The following OSBPL3 variants were observed in gnomAD, a reference collection of about 807,000 sequenced individuals.
OSBPL3 encodes the protein oxysterol-binding protein-related protein 3.
In OSBPL3, 65 loss-of-function variants were observed where a neutral mutation model predicts 120.1. The ratio of observed to expected loss-of-function variants is 0.54; its 90% CI spans 0.44 to 0.67. The LOEUF (loss-of-function observed/expected upper bound fraction) is 0.67, where lower values mean the gene tolerates loss of function less well. OSBPL3 is among the 30% of genes least tolerant of loss of function. The pLI is 0.00. For synonymous variants in OSBPL3, 416 were observed against 402.6 expected (o/e 1.03, Z -0.40); for missense variants, 1,004 against 1,082.1 (o/e 0.93, Z 1.01).
chr7:24,840,256 G>A (rs1797570906), intron 14 of OSBPL3, among the ~76,000 whole-genome samples: 1 of 152,004 alleles, frequency 6.6e-6, no homozygotes, highest in Admixed American at 6.6e-5. Flanking sequence ...ACACAGGTTT[G>A]AACCGCATCA....
At position 24,891,584 on chromosome 7, in the gene OSBPL3, T is replaced by C. The variant is rs1207565048; in HGVS notation, c.96+793A>G. ...GACCACTTTGGTCATAAATTCAGCT[T>C]TCTGACAGCTCATTCTCTCTCCATC... On this transcript the variant is annotated intron_variant, in intron 2 of 22. Coordinates refer to ENST00000313367, the MANE Select transcript of OSBPL3 (RefSeq NM_015550.4). The surrounding 1 kb of genome is among the most constrained non-coding windows in gnomAD (Gnocchi z 4.1). Among the ~76,000 whole-genome samples, 1 of 152,204 alleles carries C rather than the reference T, an allele frequency of 6.6e-6. No homozygotes were observed.
At chr7:24,979,417 G>A (rs1422377985) in intron 1 of OSBPL3, among the ~76,000 whole-genome samples, 1 of 152,122 alleles carries the variant, frequency 6.6e-6, no homozygotes, top group East Asian at 1.9e-4. Context: ...GAAGGCGGGC[G>A]AGCGGAGCGC....
intron 7 of OSBPL3, among the ~76,000 whole-genome samples, chr7:24,864,612 T>C (rs1173865295): frequency 6.6e-6 from 1 of 152,228 alleles, no homozygotes; most frequent in African/African-American, 2.4e-5. Context: ...TATCTTTCTC[T>C]AATAGTGGTT....
At chr7:24,929,187 G>T (rs1811475494) in intron 1 of OSBPL3, among the ~76,000 whole-genome samples, 1 of 152,192 alleles carries the variant, frequency 6.6e-6, no homozygotes, top group African/African-American at 2.4e-5. Flanking sequence ...GCTGATGGGT[G>T]TGCAGGTGTG....
chr7:24,950,678 T>C (rs886224531), intron 1 of OSBPL3, among the ~76,000 whole-genome samples: 14 of 152,256 alleles, frequency 9.2e-5, no homozygotes, highest in South Asian at 2.1e-4. Flanking sequence ...GCGGAGATCG[T>C]GCCACTGCAC....
intron 12 of OSBPL3, among the ~76,000 whole-genome samples, chr7:24,848,587 T>TC (rs1313874644): frequency 6.6e-6 from 1 of 152,116 alleles, no homozygotes; most frequent in African/African-American, 2.4e-5. Flanking sequence ...GTATTTTTTT[T>TC]CCCTCAGAGT....
chr7:24,835,017 G>A lies in OSBPL3; in HGVS notation c.1496-281C>T, dbSNP rs1796831854. Among the ~76,000 whole-genome samples, 1 of 152,124 alleles carries A rather than the reference G, an allele frequency of 6.6e-6. No individual in the cohort carries two copies. Among genetic ancestry groups the A allele is most frequent in the Non-Finnish European group, 1.5e-5 (1 of 68,030 alleles). ...CTCATACACACTTAGAATAAAACTG[G>A]AAATTGGATTTCTATGCCTATAGTT... On this transcript the variant is annotated intron_variant, in intron 14 of 22. Transcript: ENST00000313367. This position sits in a 1 kb window ranked among gnomAD's most constrained non-coding sequence, Gnocchi z 4.8.
At position 24,938,805 on chromosome 7, in the gene OSBPL3, G is replaced by C. The variant is rs866034053; in HGVS notation, c.-150+41081C>G. On this transcript the variant is annotated intron_variant, in intron 1 of 22. Transcript: ENST00000313367. The surrounding 1 kb of genome is among the most constrained non-coding windows in gnomAD (Gnocchi z 5.8). ...TGTGTGTGTGTGTGTGTGTGTGTGT[G>C]TGTGTGTGTGTGTGTGTGTGTGTGT... Among the ~76,000 whole-genome samples the C allele has an allele frequency of 3.5e-4, 53 of 150,694 alleles. No homozygotes were observed. The highest frequency in any genetic ancestry group is 4.7e-4 in the Non-Finnish European group (32 of 67,558).
At chr7:24,917,413 T>C (rs1355266609) in intron 1 of OSBPL3, among the ~76,000 whole-genome samples, 3 of 141,080 alleles carry the variant, frequency 2.1e-5, no homozygotes, top group African/African-American at 8.0e-5. Flanking sequence ...TATATATATA[T>C]ATATATATAT....
Position 24,892,622 on chromosome 7 carries a change from C to G in OSBPL3, c.-149-1G>C. 7.4e-7 allele frequency: 1 copy of G among 1,355,788 alleles called. No homozygotes were observed. The highest frequency in any genetic ancestry group is 9.5e-7 in the Non-Finnish European group (1 of 1,049,104). The allele number at this position is 1,355,788 out of a possible 1,614,324, so 84.0% of individuals were successfully genotyped here. A position where few individuals can be genotyped will look rare whatever the true frequency, so the allele number is the denominator to read the frequency against. On this transcript the variant is annotated splice_acceptor_variant, in intron 1 of 22. Coordinates refer to ENST00000313367, the MANE Select transcript of OSBPL3 (RefSeq NM_015550.4). LOFTEE classifies it low-confidence loss of function (5UTR_SPLICE). ...GGTGGCCCAAAGGAAACCCTAAAAC[C>G]TAAAAAAGAGAAATTAGAAAGAAGG...
intron 1 of OSBPL3, among the ~76,000 whole-genome samples, chr7:24,910,383 C>T (rs1355606990): frequency 6.6e-6 from 1 of 152,078 alleles, no homozygotes; most frequent in African/African-American, 2.4e-5. Context: ...CTGAGTTTTC[C>T]TCCTCCTTCT....
At position 24,900,881 on chromosome 7, in the gene OSBPL3, C is replaced by T. The variant is rs940167681; in HGVS notation, c.-149-8260G>A. ...GAACCTAATACAAAAATTAGCTAGG[C>T]GTGCTAGTGCACACCTGTAGTATCA... On this transcript the variant is annotated intron_variant, in intron 1 of 22. Coordinates refer to ENST00000313367, the MANE Select transcript of OSBPL3 (RefSeq NM_015550.4). The surrounding 1 kb of genome is among the most constrained non-coding windows in gnomAD (Gnocchi z 4.5). Among the ~76,000 whole-genome samples the T allele has an allele frequency of 1.3e-5, 2 of 152,130 alleles. No homozygotes were observed. Among genetic ancestry groups the T allele is most frequent in the African/African-American group, 4.8e-5 (2 of 41,414 alleles).
In OSBPL3 at chr7:24,873,918, C is replaced by T. The variant is rs529113742; in HGVS notation, c.97-1849G>A. 2.0e-5 allele frequency among the ~76,000 whole-genome samples: 3 copies of T among 152,276 alleles called. No individual in the cohort carries two copies. In the East Asian group the frequency reaches 5.8e-4, roughly 29 times the overall value. On this transcript the variant is annotated intron_variant, in intron 2 of 22. Coordinates refer to ENST00000313367, the MANE Select transcript of OSBPL3 (RefSeq NM_015550.4). The surrounding 1 kb of genome is among the most constrained non-coding windows in gnomAD (Gnocchi z 4.1). ...TTCATCCTTAGAGACTCCATAGGTA[C>T]TCCATCTTACTTTTCTGGAGGTTCA...
In OSBPL3 at chr7:24,804,189, G is replaced by A. The variant is rs367681983; in HGVS notation, c.2567+126C>T. 5.3e-6 allele frequency: 6 copies of A among 1,126,306 alleles called. No homozygotes were observed. Among genetic ancestry groups the A allele is most frequent in the African/African-American group, 3.1e-5 (2 of 64,736 alleles). The allele number at this position is 1,126,306 out of a possible 1,614,324, so 69.8% of individuals were successfully genotyped here. A position where few individuals can be genotyped will look rare whatever the true frequency, so the allele number is the denominator to read the frequency against. On this transcript the variant is annotated intron_variant, in intron 22 of 22. Transcript: ENST00000313367. The surrounding 1 kb of genome is among the most constrained non-coding windows in gnomAD (Gnocchi z 5.4). The stretch of plus-strand genomic sequence containing the variant: ...TGGCACAGAGGAGCAGTACCCCCAC[G>A]TGGAAGCAGGAAAAGCCTGGAGAAT...
chr7:24,951,867 C>T (rs760669050), intron 1 of OSBPL3, among the ~76,000 whole-genome samples: 5 of 152,202 alleles, frequency 3.3e-5, no homozygotes, highest in Admixed American at 1.3e-4. Flanking sequence ...ACAACACCCA[C>T]GGTACATCTT....
Position 24,809,874 on chromosome 7 carries a change from C to G in OSBPL3, c.2250G>C (p.Leu750=). The G allele has an allele frequency of 3.1e-6, 5 of 1,614,198 alleles. No homozygotes were observed. Among genetic ancestry groups the G allele is most frequent in the Non-Finnish European group, 3.4e-6 (4 of 1,180,018 alleles). Residue 750 remains leucine (L), a synonymous_variant, in exon 20 of 23, where the codon CTG becomes CTC. Coordinates refer to ENST00000313367, the MANE Select transcript of OSBPL3 (RefSeq NM_015550.4). ...AGATGCTTTCATGCCATTTCCCAAA[C>G]AGCCGATGAACCGCTTTTCCACTCC... ...FDRSGKAVHR[L]FGKWHESIYC... is the part of the protein sequence containing the mutation.
Position 24,933,040 on chromosome 7 carries a change from A to C in OSBPL3, c.-149-40419T>G, listed in dbSNP as rs1811977663. 6.6e-6 allele frequency among the ~76,000 whole-genome samples: 1 copy of C among 152,212 alleles called. No individual in the cohort carries two copies. Among genetic ancestry groups the C allele is most frequent in the Admixed American group, 6.5e-5 (1 of 15,288 alleles). On this transcript the variant is annotated intron_variant, in intron 1 of 22. Transcript: ENST00000313367. The surrounding 1 kb of genome is among the most constrained non-coding windows in gnomAD (Gnocchi z 5.1). The stretch of plus-strand genomic sequence containing the variant: ...AACTCCAGTCTTCACGGTTCACAGG[A>C]GGAGAATGGAAGGGCTGCTGCCCAA...
rs1339304180 is a variant in OSBPL3, at chr7:24,818,346, A to G, written c.1949-1658T>C. On this transcript the variant is annotated intron_variant, in intron 17 of 22. Transcript: ENST00000313367. This position sits in a 1 kb window ranked among gnomAD's most constrained non-coding sequence, Gnocchi z 4.0. ...GTTATATGTTCATAAAATTGTTACC[A>G]AGAGAAAAAAAAGATAGATGGCTGT... Among the ~76,000 whole-genome samples, 1 of 152,180 alleles carries G rather than the reference A, an allele frequency of 6.6e-6. No homozygotes were observed. Among genetic ancestry groups the G allele is most frequent in the Non-Finnish European group, 1.5e-5 (1 of 68,034 alleles).
chr7:24,815,478 C>G lies in OSBPL3; in HGVS notation c.2028-275G>C, dbSNP rs1794356827. Among the ~76,000 whole-genome samples, 1 of 152,150 alleles carries G rather than the reference C, an allele frequency of 6.6e-6. No homozygotes were observed. ...AGAAGCTGGTGGTCTCTTGGAACAG[C>G]CCACTCCCTCCTTTGACAGAGGAGG... On this transcript the variant is annotated intron_variant, in intron 18 of 22. Transcript: ENST00000313367. This position sits in a 1 kb window ranked among gnomAD's most constrained non-coding sequence, Gnocchi z 5.1.
Sources: gnomAD v4.1 joint callset for allele counts (sites outside exome capture counted in the v4.1 genomes callset) on GRCh38, gnomAD v4.1.1 for gene constraint, Gnocchi (gnomAD v3.1) non-coding constraint, MANE v1.5 for transcripts, NCBI Gene and HGNC (gene_info 2026-07-23, HGNC 2026-07-21) for gene names.